The following ARHGEF28 variants were observed in gnomAD, a reference collection of about 807,000 sequenced individuals.
ARHGEF28 encodes the protein Rho guanine nucleotide exchange factor 28, also known as 190 kDa guanine nucleotide exchange factor.
In ARHGEF28, 152 loss-of-function variants were observed where a neutral mutation model predicts 206.6. The observed-to-expected ratio is 0.74, with a 90% confidence interval of 0.64 to 0.84. The LOEUF (loss-of-function observed/expected upper bound fraction) is 0.84. ARHGEF28 is among the 40% of genes least tolerant of loss of function. The pLI is 0.00. For missense variants in ARHGEF28, 2,028 were observed against 2,073.2 expected, an observed-to-expected ratio of 0.98 and a Z score of 0.42; for synonymous variants, 763 against 776.4, an observed-to-expected ratio of 0.98 and a Z score of 0.29.
chr5:73,736,290 T>G (rs1389262962), intron 2 of ARHGEF28, among the ~76,000 whole-genome samples: 1 of 152,124 alleles, frequency 6.6e-6, no homozygotes, highest in African/African-American at 2.4e-5. Flanking sequence ...CGGCAGAGGC[T>G]TTGCTGTGGG....
intron 4 of ARHGEF28, among the ~76,000 whole-genome samples, chr5:73,771,642 T>C (rs898029448): frequency 6.6e-6 from 1 of 152,134 alleles, no homozygotes; most frequent in Non-Finnish European, 1.5e-5. Flanking sequence ...CATGCACATA[T>C]GTGTGCATAT....
intron 35 of ARHGEF28, among the ~76,000 whole-genome samples, chr5:73,917,418 G>A (rs995737362): frequency 1.3e-5 from 2 of 152,216 alleles, no homozygotes; most frequent in Non-Finnish European, 2.9e-5. Flanking sequence ...TCGACAAGTG[G>A]AGATGATTGA....
chr5:73,796,253 C>T (rs6862304), intron 9 of ARHGEF28, among the ~76,000 whole-genome samples: 28,809 of 152,180 alleles, frequency 0.19, 5,386 homozygotes, highest in African/African-American at 0.48. Context: ...GCACGAACCA[C>T]TCCAGTTGGT....
intron 1 of ARHGEF28, among the ~76,000 whole-genome samples, chr5:73,648,886 G>A (rs1744613901): frequency 6.6e-6 from 1 of 152,116 alleles, no homozygotes; most frequent in Admixed American, 6.5e-5. Context: ...ATGGTTCTCG[G>A]GATGAATTTC....
intron 20 of ARHGEF28, among the ~76,000 whole-genome samples, chr5:73,868,500 A>G (rs1421963267): frequency 6.6e-6 from 1 of 152,184 alleles, no homozygotes. Flanking sequence ...AAATGAATGA[A>G]ATATATTGTG....
intron 9 of ARHGEF28, among the ~76,000 whole-genome samples, chr5:73,824,625 G>A (rs888984497): frequency 2.6e-5 from 4 of 152,024 alleles, no homozygotes; most frequent in Admixed American, 2.6e-4. Flanking sequence ...GCGCCATCAC[G>A]CCCGGCTAAT....
At chr5:73,714,898 T>C (rs1378713703) in intron 2 of ARHGEF28, among the ~76,000 whole-genome samples, 1 of 152,122 alleles carries the variant, frequency 6.6e-6, no homozygotes, top group African/African-American at 2.4e-5. Context: ...ATAGAATGGT[T>C]TTCTCCCTAG....
chr5:73,643,511 A>C (rs926742489), intron 1 of ARHGEF28, among the ~76,000 whole-genome samples: 1 of 152,144 alleles, frequency 6.6e-6, no homozygotes, highest in African/African-American at 2.4e-5. Flanking sequence ...TATAGTATGC[A>C]GTTCAATAAA....
chr5:73,680,770 G>A (rs1193189248), intron 1 of ARHGEF28, among the ~76,000 whole-genome samples: 1 of 152,286 alleles, frequency 6.6e-6, no homozygotes, highest in Non-Finnish European at 1.5e-5. Context: ...TTTTCTAAGT[G>A]TACAGCAAAC....
chr5:73,807,669 A>G (rs1267038121), intron 9 of ARHGEF28, among the ~76,000 whole-genome samples: 1 of 151,708 alleles, frequency 6.6e-6, no homozygotes, highest in African/African-American at 2.4e-5. Context: ...TATTTTTAGT[A>G]GAGATGGGGT....
chr5:73,724,186 T>C (rs1750143634), intron 2 of ARHGEF28, among the ~76,000 whole-genome samples: 1 of 152,232 alleles, frequency 6.6e-6, no homozygotes, highest in Non-Finnish European at 1.5e-5. Flanking sequence ...TGATTTGTCA[T>C]GGGTGTTCAA....
At chr5:73,641,888 G>T (rs1744131065) in intron 1 of ARHGEF28, among the ~76,000 whole-genome samples, 2 of 152,182 alleles carry the variant, frequency 1.3e-5, no homozygotes, top group African/African-American at 4.8e-5. Context: ...GCTTTTCCTT[G>T]TTAGGCACTG....
rs569000899 is a variant in ARHGEF28, at chr5:73,816,174, C to A, written c.1025-16164C>A. ...GGTGAAGTAATGACCCTCACAGATG[C>A]TGTCTCTGCTTACAGGGATCTTAAC... On this transcript the variant is annotated intron_variant, in intron 9 of 35. Coordinates refer to ENST00000513042, the MANE Select transcript of ARHGEF28 (RefSeq NM_001177693.2). 2.0e-5 allele frequency among the ~76,000 whole-genome samples: 3 copies of A among 152,246 alleles called. No individual in the cohort carries two copies. The East Asian group carries it at 5.8e-4, about 29-fold the overall frequency.
At chr5:73,790,289 A>G (rs188818715) in intron 7 of ARHGEF28, among the ~76,000 whole-genome samples, 19 of 152,250 alleles carry the variant, frequency 1.2e-4, no homozygotes, top group African/African-American at 4.3e-4. Flanking sequence ...AAAACTGTGT[A>G]AGAGGAGGGA....
intron 9 of ARHGEF28, among the ~76,000 whole-genome samples, chr5:73,808,830 CCTT>C (rs887471720): frequency 1.6e-4 from 24 of 152,014 alleles, no homozygotes; most frequent in African/African-American, 4.4e-4. Flanking sequence ...GAGCTCCTTC[CCTT>C]CTTCTTCCTC....
Position 73,722,786 on chromosome 5 carries a change from A to G in ARHGEF28, c.34-27051A>G, listed in dbSNP as rs548060568. Among the ~76,000 whole-genome samples the G allele has an allele frequency of 4.7e-4, 72 of 151,948 alleles. 3 individuals carry two copies. The highest frequency in any genetic ancestry group is 1.5e-3 in the African/African-American group (61 of 41,196). ...GAAGATGAAAAAGGCAAATGCATAC[A>G]TATCTCTCTCTATCCATATATATTA... On this transcript the variant is annotated intron_variant, in intron 2 of 35. Transcript: ENST00000513042.
chr5:73,810,276 T>C (rs1755763441), intron 9 of ARHGEF28, among the ~76,000 whole-genome samples: 1 of 152,234 alleles, frequency 6.6e-6, no homozygotes, highest in Non-Finnish European at 1.5e-5. Flanking sequence ...TGAGTTATTT[T>C]CACATATGTC....
intron 1 of ARHGEF28, among the ~76,000 whole-genome samples, chr5:73,673,580 T>C (rs949915822): frequency 6.6e-6 from 1 of 152,212 alleles, no homozygotes; most frequent in Non-Finnish European, 1.5e-5. Flanking sequence ...AATTACCAGT[T>C]ACTGCTGAGT....
intron 7 of ARHGEF28, among the ~76,000 whole-genome samples, chr5:73,788,936 G>A (rs1000050847): frequency 6.6e-6 from 1 of 152,158 alleles, no homozygotes; most frequent in Admixed American, 6.5e-5. Flanking sequence ...AGGGGTGGGG[G>A]TTCAGGAGAT....
Sources: gnomAD v4.1 joint callset for allele counts (sites outside exome capture counted in the v4.1 genomes callset) on GRCh38, gnomAD v4.1.1 for gene constraint, MANE v1.5 for transcripts, NCBI Gene and HGNC (gene_info 2026-07-23, HGNC 2026-07-21) for gene names.